OSBP2: variants seen among roughly 807,000 people sequenced by gnomAD.
The protein encoded by OSBP2 is oxysterol binding protein 2.
OSBP2 carries 66 observed loss-of-function variants against 96.0 expected under a neutral mutation model. That is an observed-to-expected ratio of 0.69 (90% CI 0.56 to 0.84). The LOEUF is 0.84. Ranked by LOEUF, OSBP2 falls within the 40% of genes least tolerant of loss-of-function variation. OSBP2 has a pLI of 0.00. For synonymous variants in OSBP2, 525 were observed against 520.9 expected, an observed-to-expected ratio of 1.01 and a Z score of -0.11; for missense variants, 1,038 against 1,222.7, an observed-to-expected ratio of 0.85 and a Z score of 2.25.
intron 1 of OSBP2, among the ~76,000 whole-genome samples, chr22:30,707,039 T>G (rs1253675048): frequency 1.3e-5 from 2 of 152,138 alleles, no homozygotes; most frequent in Non-Finnish European, 1.5e-5. Context: ...GTCTTCTCAA[T>G]GTAGTGTCCT....
intron 12 of OSBP2, among the ~76,000 whole-genome samples, chr22:30,903,379 G>C (rs2040257533): frequency 6.6e-6 from 1 of 152,222 alleles, no homozygotes; most frequent in Admixed American, 6.5e-5. Context: ...GATTCTTGCA[G>C]GGTCCTTTCC....
At chr22:30,739,235 C>G (rs1461767339) in intron 1 of OSBP2, among the ~76,000 whole-genome samples, 1 of 152,186 alleles carries the variant, frequency 6.6e-6, no homozygotes, top group African/African-American at 2.4e-5. Flanking sequence ...TCTTATAAGT[C>G]CGTTGTTATG....
chr22:30,895,136 C>G (rs752653525), intron 12 of OSBP2, among the ~76,000 whole-genome samples: 8 of 152,144 alleles, frequency 5.3e-5, no homozygotes, highest in East Asian at 1.9e-4. Context: ...AAGGCCCCCC[C>G]GCCATGCTGC....
chr22:30,890,790 C>G lies in OSBP2; in HGVS notation c.1686C>G (p.His562Gln). The part of the protein sequence containing the change: ...QRLTEDLEYH[H>Q]LLDKAVHCTS... ...TGACAGAGGACCTGGAGTACCACCA[C>G]CTGCTGGACAAGGCAGTGCACTGCA... The change falls in exon 8 of 14, where the codon CAC becomes CAG. Residue 562 changes from histidine (H) to glutamine (Q), a missense_variant. This residue lies in a region of OSBP2 where 737 missense variants were observed against 913.3 expected (regional missense o/e 0.81). Coordinates refer to ENST00000332585, the MANE Select transcript of OSBP2 (RefSeq NM_030758.4). The surrounding 1 kb of genome is among the most constrained non-coding windows in gnomAD (Gnocchi z 4.4). 6.2e-7 allele frequency: 1 copy of G among 1,613,636 alleles called. No individual in the cohort carries two copies. The highest frequency in any genetic ancestry group is 8.5e-7 in the Non-Finnish European group (1 of 1,180,012).
At chr22:30,729,865 T>G (rs1204328836) in intron 1 of OSBP2, among the ~76,000 whole-genome samples, 1 of 152,006 alleles carries the variant, frequency 6.6e-6, no homozygotes, top group Non-Finnish European at 1.5e-5. Flanking sequence ...TTAGCCAGGC[T>G]CTCGTGGACT....
intron 3 of OSBP2, among the ~76,000 whole-genome samples, chr22:30,874,714 G>A (rs886144700): frequency 6.6e-6 from 1 of 152,222 alleles, no homozygotes; most frequent in Non-Finnish European, 1.5e-5. Flanking sequence ...TTGGGAATCT[G>A]GAACAGCAAC....
intron 1 of OSBP2, among the ~76,000 whole-genome samples, chr22:30,731,920 A>G (rs1006859958): frequency 3.3e-5 from 5 of 152,030 alleles, no homozygotes; most frequent in African/African-American, 1.2e-4. Flanking sequence ...CTCCGCCAGC[A>G]CTCTGGCTGG....
In OSBP2 at chr22:30,870,698, C is replaced by G. The variant is rs1217682325; in HGVS notation, c.1107+16C>G. The G allele has an allele frequency of 1.2e-6, 2 of 1,606,416 alleles. No individual in the cohort carries two copies. Among genetic ancestry groups the G allele is most frequent in the African/African-American group, 2.7e-5 (2 of 74,828 alleles). ...TATGATCAACGTGAGTACCCACCCC[C>G]ACCGCCCTGGCACGGGGCTCCCTGG... On this transcript the variant is annotated intron_variant, in intron 3 of 13. Coordinates refer to ENST00000332585, the MANE Select transcript of OSBP2 (RefSeq NM_030758.4). The surrounding 1 kb of genome is among the most constrained non-coding windows in gnomAD (Gnocchi z 4.1).
At position 30,905,847 on chromosome 22, in the gene OSBP2, G is replaced by A. The variant is rs748876741; in HGVS notation, c.2386G>A (p.Glu796Lys). 6.2e-7 allele frequency: 1 copy of A among 1,613,202 alleles called. No homozygotes were observed. Among genetic ancestry groups the A allele is most frequent in the South Asian group, 1.1e-5 (1 of 91,060 alleles). ...WKKYPLPENA[E>K]NMYYFSELAL... ...CCACCACCGCCACAGGGAGAACGCG[G>A]AGAACATGTACTACTTCTCAGAGCT... The change falls in exon 13 of 14, where the codon GAG (glutamate) becomes AAG (lysine). Residue 796 changes from glutamate to lysine, a missense_variant. Physicochemically the swap from Glu to Lys is moderately conservative, Grantham distance 56. Around this residue, in one of 3 missense-constraint regions of OSBP2, gnomAD observed 737 missense variants for 913.3 expected, o/e 0.81. Transcript: ENST00000332585.
At chr22:30,864,129 C>A (rs2039281860) in intron 2 of OSBP2, among the ~76,000 whole-genome samples, 1 of 152,100 alleles carries the variant, frequency 6.6e-6, no homozygotes, top group Non-Finnish European at 1.5e-5. Context: ...CACCACCATG[C>A]CCAGCTAATT....
chr22:30,732,044 C>T (rs1288794913), intron 1 of OSBP2, among the ~76,000 whole-genome samples: 1 of 152,232 alleles, frequency 6.6e-6, no homozygotes, highest in Non-Finnish European at 1.5e-5. Context: ...TGGCTCATGC[C>T]TGTAATCCCA....
intron 2 of OSBP2, among the ~76,000 whole-genome samples, chr22:30,856,515 T>C (rs5997785): frequency 0.32 from 47,909 of 151,130 alleles, 8,020 homozygotes; most frequent in Middle Eastern, 0.45. Flanking sequence ...GCCTCCTGAG[T>C]AGCTGGGACT....
intron 1 of OSBP2, among the ~76,000 whole-genome samples, chr22:30,702,770 A>G (rs1305366042): frequency 1.3e-5 from 2 of 152,220 alleles, no homozygotes; most frequent in African/African-American, 2.4e-5. Flanking sequence ...TTTACAGGGT[A>G]TGTCTGAGCT....
chr22:30,807,301 C>A (rs2090941327), intron 2 of OSBP2, among the ~76,000 whole-genome samples: 1 of 152,196 alleles, frequency 6.6e-6, no homozygotes, highest in Non-Finnish European at 1.5e-5. Flanking sequence ...ACCACATTTT[C>A]TCTGAATTCT....
chr22:30,708,449 A>C (rs560875455), intron 1 of OSBP2, among the ~76,000 whole-genome samples: 2 of 114,064 alleles, frequency 1.8e-5, no homozygotes, highest in South Asian at 5.9e-4. Context: ...ACCTGTGACT[A>C]TTTCAGTATA....
At chr22:30,715,765 C>T (rs1196542926) in intron 1 of OSBP2, among the ~76,000 whole-genome samples, 1 of 151,674 alleles carries the variant, frequency 6.6e-6, no homozygotes, top group East Asian at 1.9e-4. Context: ...ACATGTTGGC[C>T]AGGCTGGTCT....
At chr22:30,712,256 C>T (rs1602156538) in intron 1 of OSBP2, among the ~76,000 whole-genome samples, 1 of 151,818 alleles carries the variant, frequency 6.6e-6, no homozygotes, top group South Asian at 2.1e-4. Flanking sequence ...CTCACCTTTT[C>T]CTCCCACCTG....
chr22:30,782,456 A>C (rs1602256354), intron 2 of OSBP2, among the ~76,000 whole-genome samples: 1 of 152,180 alleles, frequency 6.6e-6, no homozygotes. Context: ...CCAAAGTGCC[A>C]GGATTACAGG....
chr22:30,888,085 A>C, intron 4 of OSBP2, 138 bp from the exon 5 acceptor site: 5 of 670,070 alleles, frequency 7.5e-6, no homozygotes, highest in Non-Finnish European at 1.3e-5. Context: ...AGCCCAGGGA[A>C]TCAGGGCTGC....
Sources: allele counts gnomAD v4.1 joint callset (sites outside exome capture counted in the v4.1 genomes callset), GRCh38; gene constraint gnomAD v4.1.1; regional missense constraint gnomAD v4.1.1; non-coding constraint Gnocchi (gnomAD v3.1); transcripts MANE v1.5; gene names NCBI Gene and HGNC (gene_info 2026-07-23, HGNC 2026-07-21).